The following FBLN1 variants were observed in gnomAD, a reference collection of about 807,000 sequenced individuals.
FBLN1 encodes the protein fibulin 1, also known as fibulin-1.
FBLN1 carries 34 observed loss-of-function variants against 89.7 expected under a neutral mutation model. The observed-to-expected ratio is 0.38, with a 90% CI of 0.29 to 0.50. FBLN1 has a LOEUF of 0.50. FBLN1 is among the 20% of genes least tolerant of loss of function. The pLI, the probability that FBLN1 is intolerant of heterozygous loss-of-function variation, is 0.92. For missense variants in FBLN1, 777 were observed against 988.1 expected (o/e 0.79, Z 2.86); for synonymous variants, 393 against 391.3 (o/e 1.00, Z -0.05).
rs2088959980 is a variant in FBLN1, at chr22:45,572,459, T to C, written c.1698-2052T>C. Among the ~76,000 whole-genome samples, 2 of 152,188 alleles carry C rather than the reference T, an allele frequency of 1.3e-5. No homozygotes were observed. Among genetic ancestry groups the C allele is most frequent in the Non-Finnish European group, 2.9e-5 (2 of 68,032 alleles). ...TTTTCCCCAAAAATCCTTTGGAGAA[T>C]GATAGCACACTAGTTAGCTTATTAT... On this transcript the variant is annotated intron_variant, in intron 14 of 16. Transcript: ENST00000327858. This position sits in a 1 kb window ranked among gnomAD's most constrained non-coding sequence, Gnocchi z 5.8.
chr22:45,534,297 A>C (rs1208737886), intron 7 of FBLN1, among the ~76,000 whole-genome samples: 5 of 82,530 alleles, frequency 6.1e-5, no homozygotes, highest in Non-Finnish European at 2.5e-5. Flanking sequence ...TTCTACAAAA[A>C]AAAAAAAAAA....
chr22:45,570,543 A>G (rs1414239617), intron 14 of FBLN1, among the ~76,000 whole-genome samples: 1 of 152,122 alleles, frequency 6.6e-6, no homozygotes, highest in African/African-American at 2.4e-5. Context: ...GAAAAGAACA[A>G]CAAGTTTTAA....
At chr22:45,540,481 C>T (rs1256329808) in intron 8 of FBLN1, among the ~76,000 whole-genome samples, 1 of 152,144 alleles carries the variant, frequency 6.6e-6, no homozygotes, top group Non-Finnish European at 1.5e-5. Context: ...GGGTCTTCCA[C>T]CATCACTCCC....
At position 45,545,447 on chromosome 22, in the gene FBLN1, G is replaced by C. The variant is rs1018477977; in HGVS notation, c.1322-1638G>C. On this transcript the variant is annotated intron_variant, in intron 11 of 16. Transcript: ENST00000327858. The surrounding 1 kb of genome is among the most constrained non-coding windows in gnomAD (Gnocchi z 5.9). ...CTGCTGGCTTTATTATTATTTAGTA[G>C]AAGTAGTGGGATTCCTGGCTTGTGC... 3.9e-5 allele frequency among the ~76,000 whole-genome samples: 6 copies of C among 152,190 alleles called. No homozygotes were observed. The highest frequency in any genetic ancestry group is 1.4e-4 in the African/African-American group (6 of 41,450).
chr22:45,531,295 A>T lies in FBLN1; in HGVS notation c.515A>T (p.Glu172Val). The change falls in exon 5 of 17, where the codon GAG (glutamate) becomes GTG (valine). Residue 172 changes from glutamate (E) to valine (V), a missense_variant. Coordinates refer to ENST00000327858, the MANE Select transcript of FBLN1 (RefSeq NM_006486.3). The surrounding 1 kb of genome is among the most constrained non-coding windows in gnomAD (Gnocchi z 4.9). ...ATCATTGAGGTTGAGGAGGAACAAG[A>T]GGACCCATATCTGAATGACCGCTGC... ...DKIIEVEEEQEDPYLNDRCRG... is the reference protein window; with the variant it reads ...DKIIEVEEEQVDPYLNDRCRG... The T allele has an allele frequency of 6.2e-7, 1 of 1,614,038 alleles. No individual in the cohort carries two copies. The highest frequency in any genetic ancestry group is 1.6e-4 in the Middle Eastern group (1 of 6,062).
rs2089126721 is a variant in FBLN1, at chr22:45,590,490, C to CG, written c.1973-9814dup. 6.6e-6 allele frequency among the ~76,000 whole-genome samples: 1 copy of CG among 152,140 alleles called. No homozygotes were observed. ...AGATGCGTCTCACCTGCTGTGAGCCCGGGTGGGGGTAGGGTGAGAAGAGCC... is the reference window on the plus strand; with the variant it reads ...AGATGCGTCTCACCTGCTGTGAGCCCGGGGTGGGGGTAGGGTGAGAAGAGCC... On this transcript the variant is annotated intron_variant, in intron 16 of 16. Transcript: ENST00000327858. This position sits in a 1 kb window ranked among gnomAD's most constrained non-coding sequence, Gnocchi z 4.1.
chr22:45,522,972 G>C (rs758568127), intron 2 of FBLN1: 16 of 537,980 alleles, frequency 3.0e-5, no homozygotes, highest in Non-Finnish European at 1.0e-5. Context: ...ATTCTATAGG[G>C]GATGCAGAAT....
At chr22:45,591,996 G>A (rs1028104464) in intron 16 of FBLN1, among the ~76,000 whole-genome samples, 1 of 151,432 alleles carries the variant, frequency 6.6e-6, no homozygotes, top group Non-Finnish European at 1.5e-5. Context: ...ACAGGAGGGA[G>A]GAAGTGTCCT....
At chr22:45,517,988 C>T (rs1301361323) in intron 1 of FBLN1, among the ~76,000 whole-genome samples, 2 of 151,852 alleles carry the variant, frequency 1.3e-5, no homozygotes, top group Non-Finnish European at 1.5e-5. Context: ...AAAAAGTAGC[C>T]GGGCGTAGTG....
rs969924785 is a variant in FBLN1, at chr22:45,575,796, G to A, written c.1840+1143G>A. Among the ~76,000 whole-genome samples the A allele has an allele frequency of 1.3e-5, 2 of 152,184 alleles. No individual in the cohort carries two copies. Among genetic ancestry groups the A allele is most frequent in the African/African-American group, 2.4e-5 (1 of 41,430 alleles). On this transcript the variant is annotated intron_variant, in intron 15 of 16. Transcript: ENST00000327858. This position sits in a 1 kb window ranked among gnomAD's most constrained non-coding sequence, Gnocchi z 6.3. ...GATGGAGCATTGTCCTGTTCACCTC[G>A]CTTCCTGGCTGTGCTGCCCGTGTGC...
At chr22:45,591,202 T>C (rs1171629138) in intron 16 of FBLN1, among the ~76,000 whole-genome samples, 1 of 152,114 alleles carries the variant, frequency 6.6e-6, no homozygotes, top group Non-Finnish European at 1.5e-5. Flanking sequence ...GGCCGTGTGA[T>C]TGTCAGCAAC....
intron 16 of FBLN1, among the ~76,000 whole-genome samples, chr22:45,599,896 A>C (rs958050601): frequency 6.6e-6 from 1 of 152,212 alleles, no homozygotes; most frequent in Non-Finnish European, 1.5e-5. Flanking sequence ...CAGCCTGGGC[A>C]ACAAGAGTGA....
chr22:45,535,824 C>T (rs1005833376), intron 8 of FBLN1, among the ~76,000 whole-genome samples: 1 of 152,208 alleles, frequency 6.6e-6, no homozygotes, highest in East Asian at 1.9e-4. Flanking sequence ...AGTACTGGTA[C>T]ACAGGAAGCA....
In FBLN1 at chr22:45,550,555, A is replaced by C; in HGVS notation, c.1637A>C (p.Gln546Pro). 1 of 1,614,122 alleles carries C rather than the reference A, an allele frequency of 6.2e-7. No individual in the cohort carries two copies. The highest frequency in any genetic ancestry group is 1.6e-4 in the Middle Eastern group (1 of 6,062). ...ATCAACGAGACCTGCTTCAACATCC[A>C]GGGCGGCTTCCGCTGCCTGGCCTTC... Reference protein sequence around the residue: ...CSINETCFNIQGGFRCLAFEC... With the variant: ...CSINETCFNIPGGFRCLAFEC... Residue 546 changes from glutamine to proline, a missense_variant, in exon 14 of 17, where the codon CAG (glutamine) becomes CCG (proline). Gln to Pro is a moderately conservative substitution (Grantham distance 76). Coordinates refer to ENST00000327858, the MANE Select transcript of FBLN1 (RefSeq NM_006486.3). This position sits in a 1 kb window ranked among gnomAD's most constrained non-coding sequence, Gnocchi z 8.4.
intron 14 of FBLN1, among the ~76,000 whole-genome samples, chr22:45,551,804 C>T (rs1318540223): frequency 6.6e-6 from 1 of 152,232 alleles, no homozygotes; most frequent in Non-Finnish European, 1.5e-5. Flanking sequence ...GCTGTGCAGC[C>T]GTCTGTCATT....
chr22:45,535,155 T>C (rs981872203), intron 7 of FBLN1, 45 bp from the exon 8 acceptor site: 3 of 1,612,352 alleles, frequency 1.9e-6, no homozygotes, highest in African/African-American at 2.7e-5. Context: ...AAGATGCTTC[T>C]GGCAGGACTC....
chr22:45,540,383 G>A (rs1047083517), intron 8 of FBLN1, among the ~76,000 whole-genome samples: 41 of 152,214 alleles, frequency 2.7e-4, no homozygotes, highest in African/African-American at 8.4e-4. Flanking sequence ...CACGGTCAGC[G>A]CGAAGGGCTG....
At chr22:45,525,000 C>T (rs944405844) in intron 2 of FBLN1, among the ~76,000 whole-genome samples, 1 of 152,060 alleles carries the variant, frequency 6.6e-6, no homozygotes, top group African/African-American at 2.4e-5. Flanking sequence ...AGGAGAATCG[C>T]TTGAACCCGA....
Position 45,531,847 on chromosome 22 carries a change from A to C in FBLN1, c.544+523A>C, listed in dbSNP as rs2088413023. ...CGTTACCGAGCCCCCAGGCCTTGTG[A>C]AGGTGACAGAGGCCTCCCTCAGGCT... On this transcript the variant is annotated intron_variant, in intron 5 of 16. Coordinates refer to ENST00000327858, the MANE Select transcript of FBLN1 (RefSeq NM_006486.3). The surrounding 1 kb of genome is among the most constrained non-coding windows in gnomAD (Gnocchi z 4.9). 6.6e-6 allele frequency among the ~76,000 whole-genome samples: 1 copy of C among 152,216 alleles called. No homozygotes were observed. The highest frequency in any genetic ancestry group is 6.5e-5 in the Admixed American group (1 of 15,294).
Sources: allele counts gnomAD v4.1 joint callset (sites outside exome capture counted in the v4.1 genomes callset), GRCh38; gene constraint gnomAD v4.1.1; non-coding constraint Gnocchi (gnomAD v3.1); transcripts MANE v1.5; gene names NCBI Gene and HGNC (gene_info 2026-07-23, HGNC 2026-07-21).